The following ASTN1 variants were observed in gnomAD, a reference collection of about 807,000 sequenced individuals.
ASTN1 encodes astrotactin-1.
ASTN1 carries 41 observed loss-of-function variants against 140.7 expected under a neutral mutation model. The observed-to-expected ratio is 0.29, with a 90% CI of 0.23 to 0.38. The LOEUF (loss-of-function observed/expected upper bound fraction) is 0.38. ASTN1 is among the 10% of genes least tolerant of loss of function. The probability of loss-of-function intolerance (pLI) is 1.00; values close to 1 mark genes in which losing one functional copy is unlikely to be tolerated. For synonymous variants in ASTN1, 640 were observed against 652.2 expected, an observed-to-expected ratio of 0.98 and a Z score of 0.29; for missense variants, 1,479 against 1,678.8, an observed-to-expected ratio of 0.88 and a Z score of 2.08.
intron 9 of ASTN1, among the ~76,000 whole-genome samples, chr1:176,962,914 A>T (rs936642631): frequency 3.3e-5 from 5 of 152,228 alleles, no homozygotes; most frequent in African/African-American, 1.2e-4. Flanking sequence ...TATGTGTAGC[A>T]TCTGAAACAG....
intron 1 of ASTN1, among the ~76,000 whole-genome samples, chr1:177,089,745 G>A (rs2102099039): frequency 6.6e-6 from 1 of 152,176 alleles, no homozygotes; most frequent in Non-Finnish European, 1.5e-5. Flanking sequence ...GGCATGCTGG[G>A]TCCTCTGGGT....
At chr1:176,896,727 A>ACAT (rs1227737414) in intron 16 of ASTN1, among the ~76,000 whole-genome samples, 2 of 152,162 alleles carry the variant, frequency 1.3e-5, no homozygotes, top group Non-Finnish European at 2.9e-5. Flanking sequence ...TCTTTTTATG[A>ACAT]AGTCGATGAG....
chr1:176,889,487 A>AAAAAAGG (rs1459824518), intron 17 of ASTN1, among the ~76,000 whole-genome samples: 1 of 152,246 alleles, frequency 6.6e-6, no homozygotes, highest in Non-Finnish European at 1.5e-5. Context: ...AAGAAAAAAG[A>AAAAAAGG]AAAGAAAAAG....
intron 8 of ASTN1, among the ~76,000 whole-genome samples, chr1:177,010,965 C>A (rs903844085): frequency 1.3e-5 from 2 of 152,084 alleles, no homozygotes; most frequent in African/African-American, 4.8e-5. Context: ...GAGAGTACAC[C>A]TGGAACGTCT....
chr1:177,123,672 A>G (rs1681506987), intron 1 of ASTN1, among the ~76,000 whole-genome samples: 1 of 152,172 alleles, frequency 6.6e-6, no homozygotes, highest in African/African-American at 2.4e-5. Context: ...CTACTTCTTT[A>G]TGCTAGGAGT....
intron 8 of ASTN1, among the ~76,000 whole-genome samples, chr1:177,008,071 T>C (rs1675085496): frequency 6.6e-6 from 1 of 152,212 alleles, no homozygotes; most frequent in African/African-American, 2.4e-5. Flanking sequence ...GTGCAGAGTT[T>C]CCCAAGCCAA....
At chr1:177,149,653 C>T (rs189843781) in intron 1 of ASTN1, among the ~76,000 whole-genome samples, 12 of 71,454 alleles carry the variant, frequency 1.7e-4, no homozygotes, top group Non-Finnish European at 2.5e-4. Flanking sequence ...TATATATACA[C>T]TGTATATATA....
At chr1:177,099,306 A>G (rs1680192985) in intron 1 of ASTN1, among the ~76,000 whole-genome samples, 1 of 152,144 alleles carries the variant, frequency 6.6e-6, no homozygotes. Flanking sequence ...ATCAATACAT[A>G]ATCTTTTTTA....
Position 176,985,845 on chromosome 1 carries a change from TACACACACACACACACACACACACACAC to T in ASTN1, c.1524-20636_1524-20609del, listed in dbSNP as rs60769752. 3.2e-4 allele frequency among the ~76,000 whole-genome samples: 41 copies of T among 129,744 alleles called. No individual in the cohort carries two copies. The East Asian group carries it at 7.4e-3, about 23-fold the overall frequency. The allele number at this position is 129,744 out of a possible 152,430, so 85.1% of individuals were successfully genotyped here. A position where few individuals can be genotyped will look rare whatever the true frequency, so the allele number is the denominator to read the frequency against. On this transcript the variant is annotated intron_variant, in intron 8 of 22. Coordinates refer to ENST00000361833, the MANE Select transcript of ASTN1 (RefSeq NM_004319.3). ...TATTGGTTCTCTCTCTCTCTCTCTC[TACACACACACACACACACACACACACAC>T]ACACACACACACACACACACACAGA...
intron 5 of ASTN1, 44 bp from the exon 6 acceptor site, chr1:177,024,776 G>C (rs757536914): frequency 4.1e-5 from 65 of 1,588,926 alleles, no homozygotes; most frequent in Non-Finnish European, 5.5e-5. Context: ...TAAAAAGCTT[G>C]GCATTGAGAG....
chr1:177,134,781 T>C (rs1318131568), intron 1 of ASTN1, among the ~76,000 whole-genome samples: 1 of 152,140 alleles, frequency 6.6e-6, no homozygotes. Context: ...AGAGGAAACT[T>C]CAGCAATAAT....
Position 176,888,097 on chromosome 1 carries a change from G to A in ASTN1, c.3048C>T (p.Pro1016=), listed in dbSNP as rs1669112422. The part of the protein sequence containing the change: ...DSTAFGADGL[P]TCAPLPQPVL... ...CAGGCTGTGGGAGAGGCGCACAGGT[G>A]GGGAGTCCATCAGCTCCAAAAGCAG... Residue 1016 remains proline (P), a synonymous_variant, in exon 18 of 23, where the codon CCC becomes CCT. Transcript: ENST00000361833. 2 of 1,613,996 alleles carry A rather than the reference G, an allele frequency of 1.2e-6. No individual in the cohort carries two copies. The highest frequency in any genetic ancestry group is 1.7e-6 in the Non-Finnish European group (2 of 1,180,022).
chr1:177,112,160 C>G (rs1680852143), intron 1 of ASTN1, among the ~76,000 whole-genome samples: 1 of 152,196 alleles, frequency 6.6e-6, no homozygotes, highest in Non-Finnish European at 1.5e-5. Flanking sequence ...TCAGTGGAAA[C>G]CAACTTCATA....
downstream of ASTN1, chr1:176,857,489 T>C (rs1039552932): frequency 2.4e-5 from 10 of 419,034 alleles, no homozygotes; most frequent in African/African-American, 1.8e-4. Context: ...GCGCAGCTCC[T>C]GCTTTGAGGG....
chr1:176,988,612 C>T (rs749458919), intron 8 of ASTN1, among the ~76,000 whole-genome samples: 4 of 152,124 alleles, frequency 2.6e-5, no homozygotes, highest in African/African-American at 9.6e-5. Flanking sequence ...ATATGAAGCT[C>T]GGAGGCAGCA....
intron 8 of ASTN1, among the ~76,000 whole-genome samples, chr1:177,005,109 C>T (rs1443187372): frequency 6.6e-6 from 1 of 151,862 alleles, no homozygotes; most frequent in Non-Finnish European, 1.5e-5. Context: ...GGACTAATAT[C>T]CAAAATCTAC....
chr1:176,985,845 T>TACACACACAC lies in ASTN1; in HGVS notation c.1524-20618_1524-20609dup, dbSNP rs60769752. On this transcript the variant is annotated intron_variant, in intron 8 of 22. Coordinates refer to ENST00000361833, the MANE Select transcript of ASTN1 (RefSeq NM_004319.3). ...TATTGGTTCTCTCTCTCTCTCTCTC[T>TACACACACAC]ACACACACACACACACACACACACA... 9.2e-4 allele frequency among the ~76,000 whole-genome samples: 119 copies of TACACACACAC among 129,742 alleles called. 2 individuals carry two copies. Among genetic ancestry groups the TACACACACAC allele is most frequent in the South Asian group, 5.0e-3 (18 of 3,636 alleles). 85.1% of individuals were successfully genotyped at this position (129,742 alleles called of 152,430 possible).
intron 2 of ASTN1, among the ~76,000 whole-genome samples, chr1:177,058,586 G>T (rs545294436): frequency 6.6e-6 from 1 of 152,068 alleles, no homozygotes; most frequent in Admixed American, 6.5e-5. Flanking sequence ...GATCTAATTT[G>T]AAAAAACACT....
At chr1:176,989,000 T>C (rs1674036218) in intron 8 of ASTN1, among the ~76,000 whole-genome samples, 2 of 152,204 alleles carry the variant, frequency 1.3e-5, no homozygotes, top group Non-Finnish European at 2.9e-5. Flanking sequence ...GTATCAAGTC[T>C]AAATTTATGA....
Sources: allele counts gnomAD v4.1 joint callset (sites outside exome capture counted in the v4.1 genomes callset), GRCh38; gene constraint gnomAD v4.1.1; transcripts MANE v1.5; gene names NCBI Gene and HGNC (gene_info 2026-07-23, HGNC 2026-07-21).